Variants in NKAIN3 observed in about 807,000 individuals in gnomAD.
NKAIN3 encodes sodium/potassium-transporting ATPase subunit beta-1-interacting protein 3.
A neutral mutation model predicts 30.2 loss-of-function variants in NKAIN3; 25 were observed. The observed-to-expected ratio is 0.83, with a 90% CI of 0.60 to 1.16. NKAIN3 has a LOEUF of 1.16. NKAIN3 is among the 50% of genes most tolerant of loss of function. The probability of loss-of-function intolerance (pLI) is 0.00; values close to 1 mark genes in which losing one functional copy is unlikely to be tolerated. For synonymous variants in NKAIN3, 91 were observed against 89.6 expected, an observed-to-expected ratio of 1.02 and a Z score of -0.09; for missense variants, 225 against 254.1, an observed-to-expected ratio of 0.89 and a Z score of 0.78.
chr8:62,925,551 AC>A (rs1434066428), intron 5 of NKAIN3, among the ~76,000 whole-genome samples: 2 of 152,164 alleles, frequency 1.3e-5, no homozygotes. Context: ...CAACTCCTGC[AC>A]CCCAGAGGGG....
At chr8:62,415,108 ATT>A (rs1804389701) in intron 1 of NKAIN3, among the ~76,000 whole-genome samples, 1 of 130,694 alleles carries the variant, frequency 7.7e-6, no homozygotes, top group South Asian at 2.3e-4. Flanking sequence ...TATAATATAT[ATT>A]ATGTATAATA....
chr8:62,434,413 C>T (rs1165673472), intron 1 of NKAIN3, among the ~76,000 whole-genome samples: 1 of 152,110 alleles, frequency 6.6e-6, no homozygotes, highest in Non-Finnish European at 1.5e-5. Context: ...GGCTTTTCAG[C>T]CCTGAGAAGG....
chr8:62,456,720 T>A (rs991559169), intron 1 of NKAIN3, among the ~76,000 whole-genome samples: 3 of 152,194 alleles, frequency 2.0e-5, no homozygotes, highest in African/African-American at 7.2e-5. Context: ...TTATACAAGT[T>A]TCCACTTATC....
chr8:62,505,815 A>C (rs1162008532), intron 1 of NKAIN3, among the ~76,000 whole-genome samples: 2 of 152,216 alleles, frequency 1.3e-5, no homozygotes, highest in South Asian at 2.1e-4. Context: ...GGTGGCTTAA[A>C]ATAACCAAAG....
At chr8:62,732,933 A>T in intron 3 of NKAIN3, among the ~76,000 whole-genome samples, 1 of 152,226 alleles carries the variant, frequency 6.6e-6, no homozygotes. Context: ...ATAAATATTT[A>T]TTGAGATTAT....
intron 4 of NKAIN3, among the ~76,000 whole-genome samples, chr8:62,881,357 A>G (rs1201154700): frequency 2.6e-5 from 4 of 152,168 alleles, no homozygotes; most frequent in Non-Finnish European, 4.4e-5. Context: ...TGCCTTTTCC[A>G]GAATGTTATG....
chr8:62,766,482 T>A (rs556974585), intron 4 of NKAIN3, among the ~76,000 whole-genome samples: 189 of 152,286 alleles, frequency 1.2e-3, no homozygotes, highest in Middle Eastern at 3.4e-3. Flanking sequence ...TCCAATAAGA[T>A]ATAAAAGACA....
rs1253767838 is a variant in NKAIN3 at position 62,970,289 on chromosome 8, CA to C, written c.*4889del. 6.6e-6 allele frequency among the ~76,000 whole-genome samples: 1 copy of C among 151,860 alleles called. No homozygotes were observed. Among genetic ancestry groups the C allele is most frequent in the Non-Finnish European group, 1.5e-5 (1 of 67,968 alleles). The stretch of plus-strand genomic sequence containing the variant: ...AAGGTATTTATCAATAAAGAATTCT[CA>C]AAAAAATGGAATTATCAAAAAATTC... On this transcript the variant is annotated 3_prime_UTR_variant, in exon 7 of 7. Coordinates refer to ENST00000623646, the MANE Select transcript of NKAIN3 (RefSeq NM_001304533.3).
At chr8:62,397,735 T>C (rs1817808900) in intron 1 of NKAIN3, among the ~76,000 whole-genome samples, 1 of 152,138 alleles carries the variant, frequency 6.6e-6, no homozygotes, top group Non-Finnish European at 1.5e-5. Context: ...ATCATTGCCC[T>C]GGAGTCGGCG....
chr8:62,903,643 TAAGG>T (rs1306023438), intron 4 of NKAIN3, among the ~76,000 whole-genome samples: 1 of 152,118 alleles, frequency 6.6e-6, no homozygotes, highest in African/African-American at 2.4e-5. Context: ...CCCTCTAGAA[TAAGG>T]AAGGATAAAT....
chr8:62,616,219 C>T (rs1811449370), intron 3 of NKAIN3, among the ~76,000 whole-genome samples: 1 of 152,040 alleles, frequency 6.6e-6, no homozygotes, highest in African/African-American at 2.4e-5. Flanking sequence ...TCTGACACTA[C>T]CTAGAGCTAG....
At chr8:62,856,637 G>A in intron 4 of NKAIN3, 1 of 772,640 alleles carries the variant, frequency 1.3e-6, no homozygotes. Context: ...CACTAAAGAG[G>A]TTGGCACAGA....
intron 4 of NKAIN3, among the ~76,000 whole-genome samples, chr8:62,913,179 C>CGT (rs1166104361): frequency 1.3e-5 from 2 of 151,984 alleles, no homozygotes; most frequent in South Asian, 2.1e-4. Context: ...AGAAGGACTA[C>CGT]ACTCTACAGT....
intron 1 of NKAIN3, among the ~76,000 whole-genome samples, chr8:62,508,641 C>T (rs200699647): frequency 7.2e-5 from 11 of 152,250 alleles, no homozygotes; most frequent in East Asian, 5.8e-4. Context: ...TCTTCAAAGA[C>T]GACAGAATCA....
At chr8:62,940,910 G>A (rs1272145830) in intron 5 of NKAIN3, among the ~76,000 whole-genome samples, 1 of 150,730 alleles carries the variant, frequency 6.6e-6, no homozygotes, top group African/African-American at 2.4e-5. Flanking sequence ...AAATAACAAT[G>A]ATCAGAGCAG....
intron 1 of NKAIN3, among the ~76,000 whole-genome samples, chr8:62,509,624 C>T (rs1474983097): frequency 6.6e-6 from 1 of 152,106 alleles, no homozygotes; most frequent in Non-Finnish European, 1.5e-5. Context: ...AGACACGGGC[C>T]CACAATTCCA....
intron 1 of NKAIN3, among the ~76,000 whole-genome samples, chr8:62,530,198 A>C (rs1008580326): frequency 2.6e-5 from 4 of 152,164 alleles, no homozygotes; most frequent in Non-Finnish European, 5.9e-5. Flanking sequence ...GTTGACTTTG[A>C]AATGTGACTC....
At chr8:62,636,967 TTTC>T (rs1306138597) in intron 3 of NKAIN3, among the ~76,000 whole-genome samples, 2 of 152,196 alleles carry the variant, frequency 1.3e-5, no homozygotes, top group Admixed American at 1.3e-4. Flanking sequence ...GTAAATGAGC[TTTC>T]TTATTTTACG....
At chr8:62,806,702 C>G (rs1218934952) in intron 4 of NKAIN3, among the ~76,000 whole-genome samples, 1 of 151,404 alleles carries the variant, frequency 6.6e-6, no homozygotes, top group African/African-American at 2.4e-5. Flanking sequence ...ATACCTAATG[C>G]TAAATGATGA....
Sources: gnomAD v4.1 joint callset for allele counts (sites outside exome capture counted in the v4.1 genomes callset) on GRCh38, gnomAD v4.1.1 for gene constraint, MANE v1.5 for transcripts, NCBI Gene and HGNC (gene_info 2026-07-23, HGNC 2026-07-21) for gene names.